The following SH3RF3 variants were observed in gnomAD, a reference collection of about 807,000 sequenced individuals.
SH3RF3 encodes the protein E3 ubiquitin-protein ligase SH3RF3.
Under a neutral mutation model 66.3 loss-of-function variants are expected in SH3RF3, and 29 were observed. The ratio of observed to expected loss-of-function variants is 0.44; its 90% CI spans 0.33 to 0.60. SH3RF3 has a LOEUF of 0.60. Among genes scored for constraint, SH3RF3 ranks in the 20% least tolerant of loss-of-function variants. The pLI, the probability that SH3RF3 is intolerant of heterozygous loss-of-function variation, is 0.04. For synonymous variants in SH3RF3, 583 were observed against 532.0 expected, an observed-to-expected ratio of 1.10 and a Z score of -1.32; for missense variants, 1,194 against 1,190.9, an observed-to-expected ratio of 1.00 and a Z score of -0.04.
chr2:109,327,599 C>T (rs1175220470), intron 1 of SH3RF3, among the ~76,000 whole-genome samples: 1 of 152,178 alleles, frequency 6.6e-6, no homozygotes, highest in Non-Finnish European at 1.5e-5. Flanking sequence ...AGTCCTCTTA[C>T]TCAAGAACAT....
chr2:109,376,276 A>G (rs1458037457), intron 3 of SH3RF3, among the ~76,000 whole-genome samples: 1 of 152,252 alleles, frequency 6.6e-6, no homozygotes, highest in Admixed American at 6.5e-5. Flanking sequence ...TGATGTCAAC[A>G]ATACCAGGAC....
chr2:109,431,176 T>A (rs1299050339), intron 5 of SH3RF3, among the ~76,000 whole-genome samples: 4 of 152,076 alleles, frequency 2.6e-5, no homozygotes, highest in African/African-American at 9.7e-5. Context: ...AATGGTGGGG[T>A]CTATGAGCTT....
At chr2:109,282,592 G>A (rs893493160) in intron 1 of SH3RF3, among the ~76,000 whole-genome samples, 7 of 152,192 alleles carry the variant, frequency 4.6e-5, no homozygotes, top group East Asian at 3.9e-4. Flanking sequence ...GGAGAACGGC[G>A]CACAGAGCCA....
At chr2:109,261,015 T>C (rs1053016822) in intron 1 of SH3RF3, among the ~76,000 whole-genome samples, 6 of 152,120 alleles carry the variant, frequency 3.9e-5, no homozygotes, top group Admixed American at 2.0e-4. Flanking sequence ...TCCCTCCCTT[T>C]AGAGGGCACT....
At chr2:109,210,313 A>G (rs1368230682) in intron 1 of SH3RF3, among the ~76,000 whole-genome samples, 1 of 152,218 alleles carries the variant, frequency 6.6e-6, no homozygotes, top group Non-Finnish European at 1.5e-5. Context: ...TTTTTTGAGT[A>G]TAGACCTAAA....
At chr2:109,279,670 T>C (rs1187261076) in intron 1 of SH3RF3, among the ~76,000 whole-genome samples, 1 of 152,234 alleles carries the variant, frequency 6.6e-6, no homozygotes, top group Non-Finnish European at 1.5e-5. Context: ...CTTTTGGAAT[T>C]CTGTCATTGG....
chr2:109,214,684 C>G (rs1679068145), intron 1 of SH3RF3, among the ~76,000 whole-genome samples: 1 of 152,168 alleles, frequency 6.6e-6, no homozygotes, highest in African/African-American at 2.4e-5. Context: ...CTCTCTCTGT[C>G]CCGTGGACAG....
chr2:109,411,891 C>G (rs796899061), intron 4 of SH3RF3, among the ~76,000 whole-genome samples: 1 of 152,238 alleles, frequency 6.6e-6, no homozygotes, highest in Non-Finnish European at 1.5e-5. Context: ...TTTGCCATAT[C>G]AAGTGTCAGC....
intron 1 of SH3RF3, among the ~76,000 whole-genome samples, chr2:109,316,734 A>T (rs1681893879): frequency 6.6e-6 from 1 of 152,162 alleles, no homozygotes; most frequent in South Asian, 2.1e-4. Flanking sequence ...CTATAATGCG[A>T]TGTATCCACC....
At position 109,398,786 on chromosome 2, in the gene SH3RF3, C is replaced by T. The variant is rs1415724161; in HGVS notation, c.1142C>T (p.Ser381Phe). 2 of 1,613,656 alleles carry T rather than the reference C, an allele frequency of 1.2e-6. No homozygotes were observed. Among genetic ancestry groups the T allele is most frequent in the African/African-American group, 1.3e-5 (1 of 74,928 alleles). The change falls in exon 4 of 10, where the codon TCC (serine) becomes TTC (phenylalanine). Residue 381 changes from serine to phenylalanine, a missense_variant. Coordinates refer to ENST00000309415, the MANE Select transcript of SH3RF3 (RefSeq NM_001099289.3). ...AAGAAGAACACCAAGAAACGCCACT[C>T]CTTCACCGCGCTCAGTGTGACGCAC... ...DGKKNTKKRH[S>F]FTALSVTHRS... is the part of the protein sequence containing the mutation.
At chr2:109,165,063 G>A (rs562738627) in intron 1 of SH3RF3, among the ~76,000 whole-genome samples, 1 of 152,290 alleles carries the variant, frequency 6.6e-6, no homozygotes, top group South Asian at 2.1e-4. Context: ...TGTTGGCAGT[G>A]GGCCTGGACA....
chr2:109,240,664 C>G (rs1044812473), intron 1 of SH3RF3, among the ~76,000 whole-genome samples: 2 of 152,136 alleles, frequency 1.3e-5, no homozygotes, highest in Non-Finnish European at 2.9e-5. Flanking sequence ...TTATTTCACA[C>G]GAACCAGAGA....
At chr2:109,490,116 A>G (rs926830061) in intron 8 of SH3RF3, among the ~76,000 whole-genome samples, 1 of 152,180 alleles carries the variant, frequency 6.6e-6, no homozygotes, top group African/African-American at 2.4e-5. Flanking sequence ...TCCTGATGGA[A>G]CCATTCTCCA....
rs112787197 is a variant in SH3RF3 at position 109,133,670 on chromosome 2, T to G, written c.573+3557T>G. Among the ~76,000 whole-genome samples the G allele has an allele frequency of 3.8e-3, 585 of 152,308 alleles. 2 individuals carry two copies. The highest frequency in any genetic ancestry group is 0.013 in the African/African-American group (559 of 41,564). ...CTCATTTACACCTGATTTGACCATT[T>G]TGTTAGTGTTTGAGTCTTTCATACA... On this transcript the variant is annotated intron_variant, in intron 1 of 9. Transcript: ENST00000309415.
chr2:109,414,186 C>T (rs956419410), intron 4 of SH3RF3, among the ~76,000 whole-genome samples: 3 of 152,218 alleles, frequency 2.0e-5, no homozygotes, highest in Admixed American at 6.5e-5. Context: ...TCCCAGGCCA[C>T]TGCACCGTCT....
intron 1 of SH3RF3, among the ~76,000 whole-genome samples, chr2:109,286,787 C>T (rs1681038795): frequency 6.6e-6 from 1 of 152,184 alleles, no homozygotes; most frequent in Non-Finnish European, 1.5e-5. Flanking sequence ...CTGCCCCATA[C>T]CTCCCGGGAG....
chr2:109,305,207 A>G (rs528967717), intron 1 of SH3RF3, among the ~76,000 whole-genome samples: 1 of 152,198 alleles, frequency 6.6e-6, no homozygotes, highest in East Asian at 1.9e-4. Flanking sequence ...GTTCTAATAT[A>G]TCTCTTTCTC....
chr2:109,312,874 G>A (rs1298225633), intron 1 of SH3RF3, among the ~76,000 whole-genome samples: 2 of 152,116 alleles, frequency 1.3e-5, no homozygotes, highest in Admixed American at 1.3e-4. Flanking sequence ...TTAGATTTTG[G>A]GTGTATACCT....
intron 4 of SH3RF3, among the ~76,000 whole-genome samples, chr2:109,400,512 T>A (rs1239056750): frequency 6.6e-6 from 1 of 151,128 alleles, no homozygotes; most frequent in Non-Finnish European, 1.5e-5. Context: ...CATACACCCC[T>A]CCAGGTGCAC....
Sources: gnomAD v4.1 joint callset for allele counts (sites outside exome capture counted in the v4.1 genomes callset) on GRCh38, gnomAD v4.1.1 for gene constraint, MANE v1.5 for transcripts, NCBI Gene and HGNC (gene_info 2026-07-23, HGNC 2026-07-21) for gene names.